The following EFHB variants were observed in gnomAD, a reference collection of about 807,000 sequenced individuals.
EFHB encodes EF-hand domain family member B.
Under a neutral mutation model 87.2 loss-of-function variants are expected in EFHB, and 91 were observed. The observed-to-expected ratio is 1.04, with a 90% CI of 0.88 to 1.24. The LOEUF (loss-of-function observed/expected upper bound fraction) is 1.24. Among genes scored for constraint, EFHB ranks in the 50% most tolerant of loss-of-function variants. The pLI is 0.00. For missense variants in EFHB, 1,084 were observed against 998.8 expected, an observed-to-expected ratio of 1.09 and a Z score of -1.15; for synonymous variants, 325 against 333.6, an observed-to-expected ratio of 0.97 and a Z score of 0.28.
At chr3:19,884,836 T>C (rs763874363) in intron 10 of EFHB, among the ~76,000 whole-genome samples, 1 of 151,410 alleles carries the variant, frequency 6.6e-6, no homozygotes, top group Non-Finnish European at 1.5e-5. Flanking sequence ...CTTCTGCTAC[T>C]CCACTCACTT....
chr3:19,937,837 A>C (rs932533542), upstream of EFHB, among the ~76,000 whole-genome samples: 1 of 152,000 alleles, frequency 6.6e-6, no homozygotes, highest in Non-Finnish European at 1.5e-5. Flanking sequence ...TATAGCCCTG[A>C]CCCTGGTACA....
chr3:19,933,901 C>A lies in EFHB; in HGVS notation c.118G>T (p.Asp40Tyr). ...ACAGGGCTCTCCCCGCATCGGGAAT[C>A]TTCTTTTCCTAATCCTACTCTGATC... ...LGIRVGLGKE[D>Y]SRCGESPVVS... Residue 40 changes from aspartate to tyrosine, a missense_variant, in exon 1 of 13, where the codon GAT becomes TAT. Physicochemically the swap from Asp to Tyr is radical, Grantham distance 160 (BLOSUM62 -3). Coordinates refer to ENST00000295824, the MANE Select transcript of EFHB (RefSeq NM_144715.4). 1 of 1,614,008 alleles carries A rather than the reference C, an allele frequency of 6.2e-7. No homozygotes were observed. Among genetic ancestry groups the A allele is most frequent in the Non-Finnish European group, 8.5e-7 (1 of 1,179,884 alleles).
At chr3:19,944,915 T>C (rs745632607) in intron 1 of EFHB, among the ~76,000 whole-genome samples, 1 of 152,206 alleles carries the variant, frequency 6.6e-6, no homozygotes, top group Non-Finnish European at 1.5e-5. Flanking sequence ...CTTAAAAACC[T>C]TATAATTCAA....
At chr3:19,918,808 C>T (rs531953809) in intron 3 of EFHB, among the ~76,000 whole-genome samples, 21 of 122,268 alleles carry the variant, frequency 1.7e-4, no homozygotes, top group Admixed American at 2.4e-4. Flanking sequence ...AACCCCATAA[C>T]TACTAAAAAA....
chr3:19,916,135 A>G (rs1575029487), intron 4 of EFHB, among the ~76,000 whole-genome samples: 1 of 152,124 alleles, frequency 6.6e-6, no homozygotes, highest in African/African-American at 2.4e-5. Context: ...ACAAATTAGA[A>G]CCCCTAATGC....
chr3:19,918,642 T>C (rs1212991441), intron 3 of EFHB, among the ~76,000 whole-genome samples: 1 of 151,746 alleles, frequency 6.6e-6, no homozygotes, highest in Non-Finnish European at 1.5e-5. Context: ...TACTAAAAGG[T>C]TTACAATGAT....
At chr3:19,940,557 T>A (rs1214432819) in intron 1 of EFHB, 1 of 499,456 alleles carries the variant, frequency 2.0e-6, no homozygotes, top group Admixed American at 2.1e-5. Flanking sequence ...ATTCATAGGA[T>A]TCAAGGGAAT....
At chr3:19,880,149 G>T (rs1468892374) in intron 12 of EFHB, among the ~76,000 whole-genome samples, 1 of 152,030 alleles carries the variant, frequency 6.6e-6, no homozygotes, top group African/African-American at 2.4e-5. Flanking sequence ...AAGAAGACTT[G>T]CTAGGTTTGA....
chr3:19,883,727 G>A (rs62279119), intron 11 of EFHB, among the ~76,000 whole-genome samples: 27,152 of 152,120 alleles, frequency 0.18, 3,169 homozygotes, highest in Non-Finnish European at 0.26. Flanking sequence ...TTGTAAAATG[G>A]AGAAATTTGG....
At chr3:19,944,950 G>A (rs1473626723) in intron 1 of EFHB, among the ~76,000 whole-genome samples, 1 of 152,104 alleles carries the variant, frequency 6.6e-6, no homozygotes, top group Admixed American at 6.5e-5. Context: ...GAAAAGTCCA[G>A]GTGCTCATTA....
chr3:19,934,901 C>T (rs1190409740), upstream of EFHB, among the ~76,000 whole-genome samples: 1 of 141,116 alleles, frequency 7.1e-6, no homozygotes, highest in African/African-American at 2.7e-5. Flanking sequence ...GGCTTTAAAT[C>T]ACATTTAAAG....
chr3:19,936,853 A>G (rs1464608297), upstream of EFHB, among the ~76,000 whole-genome samples: 1 of 150,614 alleles, frequency 6.6e-6, no homozygotes, highest in Non-Finnish European at 1.5e-5. Context: ...GGATGACAAG[A>G]GCCAAACTCC....
intron 9 of EFHB, chr3:19,894,971 C>T (rs1694425363): frequency 7.1e-6 from 1 of 140,726 alleles, no homozygotes; most frequent in African/African-American, 2.9e-5. Context: ...GGGACAAGAG[C>T]AAGACTTTGT....
At chr3:19,945,129 T>C (rs1696241228) in intron 1 of EFHB, among the ~76,000 whole-genome samples, 1 of 152,178 alleles carries the variant, frequency 6.6e-6, no homozygotes, top group South Asian at 2.1e-4. Flanking sequence ...GCAATGATAG[T>C]GTTCCATGTG....
At chr3:19,931,998 C>T (rs1695846743) in intron 1 of EFHB, among the ~76,000 whole-genome samples, 2 of 152,180 alleles carry the variant, frequency 1.3e-5, no homozygotes, top group Admixed American at 6.5e-5. Flanking sequence ...CTTTACCTGT[C>T]ATCTCATATT....
At chr3:19,887,752 C>T (rs1401806766) in intron 10 of EFHB, among the ~76,000 whole-genome samples, 2 of 152,186 alleles carry the variant, frequency 1.3e-5, no homozygotes, top group Admixed American at 6.5e-5. Context: ...GTTGGACAAG[C>T]TTGATGTAAA....
At chr3:19,899,979 A>G (rs1223430588) in intron 6 of EFHB, among the ~76,000 whole-genome samples, 1 of 152,136 alleles carries the variant, frequency 6.6e-6, no homozygotes, top group African/African-American at 2.4e-5. Flanking sequence ...AGGCTGAGCT[A>G]GGAAGATCGC....
chr3:19,886,676 C>CAAAAA (rs4020648), intron 10 of EFHB, among the ~76,000 whole-genome samples: 1 of 61,230 alleles, frequency 1.6e-5, no homozygotes, highest in Non-Finnish European at 2.8e-5. Flanking sequence ...GACACTGTCT[C>CAAAAA]AAAAAAAAAA....
chr3:19,937,214 TATAA>T (rs1186126882), upstream of EFHB, among the ~76,000 whole-genome samples: 2 of 152,126 alleles, frequency 1.3e-5, no homozygotes, highest in East Asian at 1.9e-4. Flanking sequence ...AGAAGGTTAA[TATAA>T]ATATTCTTCT....
Sources: allele counts gnomAD v4.1 joint callset (sites outside exome capture counted in the v4.1 genomes callset), GRCh38; gene constraint gnomAD v4.1.1; transcripts MANE v1.5; gene names NCBI Gene and HGNC (gene_info 2026-07-23, HGNC 2026-07-21).